Variants in SH3PXD2A observed in about 807,000 individuals in gnomAD.
SH3PXD2A encodes SH3 and PX domain-containing protein 2A.
In SH3PXD2A, 32 loss-of-function variants were observed where a neutral mutation model predicts 115.2. The ratio of observed to expected loss-of-function variants is 0.28; its 90% CI spans 0.21 to 0.37. The LOEUF is 0.37. SH3PXD2A is among the 10% of genes least tolerant of loss of function. SH3PXD2A has a pLI of 1.00. For missense variants in SH3PXD2A, 1,328 were observed against 1,498.7 expected, an observed-to-expected ratio of 0.89 and a Z score of 1.88; for synonymous variants, 610 against 629.1, an observed-to-expected ratio of 0.97 and a Z score of 0.45.
At chr10:103,803,415 A>C (rs184848135) in intron 1 of SH3PXD2A, among the ~76,000 whole-genome samples, 1 of 152,334 alleles carries the variant, frequency 6.6e-6, no homozygotes, top group Admixed American at 6.5e-5. Flanking sequence ...ATGTTACCTA[A>C]TGTTTAAGCA....
intron 4 of SH3PXD2A, among the ~76,000 whole-genome samples, chr10:103,729,902 C>G (rs1370917657): frequency 6.6e-6 from 1 of 152,228 alleles, no homozygotes; most frequent in East Asian, 1.9e-4. Context: ...TGAGCCACCA[C>G]TTAGCACTGA....
chr10:103,606,651 T>C (rs1402260417), intron 13 of SH3PXD2A, among the ~76,000 whole-genome samples: 2 of 151,992 alleles, frequency 1.3e-5, no homozygotes, highest in African/African-American at 2.4e-5. Context: ...CGCGCCGCCA[T>C]GCCTGACTGG....
chr10:103,700,252 C>T (rs2037876559), intron 5 of SH3PXD2A, among the ~76,000 whole-genome samples: 1 of 151,840 alleles, frequency 6.6e-6, no homozygotes, highest in South Asian at 2.1e-4. Flanking sequence ...AGTGACTTCA[C>T]CTCTCTGTAC....
chr10:103,605,854 C>T lies in SH3PXD2A; in HGVS notation c.1372G>A (p.Glu458Lys), dbSNP rs764452321. The T allele has an allele frequency of 6.2e-6, 10 of 1,613,062 alleles. No individual in the cohort carries two copies. Among genetic ancestry groups the T allele is most frequent in the Middle Eastern group, 1.6e-4 (1 of 6,082 alleles). ...SVEVEYYTIA[E>K]FQSCISDGIS... ...CCATCGGAAATGCACGACTGGAATT[C>T]GGCAATGGTGTAGTACTCCACCTCA... Residue 458 changes from glutamate to lysine, a missense_variant, in exon 14 of 15, where the codon GAA becomes AAA. Physicochemically the swap from Glu to Lys is moderately conservative, Grantham distance 56. Around this residue, in one of 5 missense-constraint regions of SH3PXD2A, gnomAD observed 509 missense variants for 628.3 expected, o/e 0.81. Coordinates refer to ENST00000369774, the MANE Select transcript of SH3PXD2A (RefSeq NM_001394015.1).
At chr10:103,828,879 C>T (rs118188068) in intron 1 of SH3PXD2A, among the ~76,000 whole-genome samples, 18 of 152,188 alleles carry the variant, frequency 1.2e-4, no homozygotes, top group Non-Finnish European at 2.4e-4. Context: ...TTGGTGCATT[C>T]ATTTATTTCC....
chr10:103,715,617 C>T (rs555224236), intron 5 of SH3PXD2A, among the ~76,000 whole-genome samples: 1 of 152,340 alleles, frequency 6.6e-6, no homozygotes, highest in East Asian at 1.9e-4. Flanking sequence ...GCAGTGACTC[C>T]GGGTGACTTA....
At chr10:103,667,041 C>T (rs1037914925) in intron 7 of SH3PXD2A, among the ~76,000 whole-genome samples, 1 of 152,162 alleles carries the variant, frequency 6.6e-6, no homozygotes, top group Admixed American at 6.5e-5. Flanking sequence ...ACCTGAGGCC[C>T]CTGATCTATA....
chr10:103,620,309 C>T lies in SH3PXD2A; in HGVS notation c.802+2161G>A, dbSNP rs780237736. Among the ~76,000 whole-genome samples the T allele has an allele frequency of 9.9e-5, 15 of 152,144 alleles. No homozygotes were observed. The highest frequency in any genetic ancestry group is 1.8e-4 in the Non-Finnish European group (12 of 68,012). ...CCTGCCCTGGGGAGGGCTGGCCAGGCGGTCAGCCGGGTGGGTGAGGGGGAT... is the reference window on the plus strand; with the variant it reads ...CCTGCCCTGGGGAGGGCTGGCCAGGTGGTCAGCCGGGTGGGTGAGGGGGAT... On this transcript the variant is annotated intron_variant, in intron 10 of 14. Transcript: ENST00000369774. The surrounding 1 kb of genome is among the most constrained non-coding windows in gnomAD (Gnocchi z 5.3).
At chr10:103,855,146 C>T in intron 1 of SH3PXD2A, 49 bp downstream of exon 1, 4 of 1,420,728 alleles carry the variant, frequency 2.8e-6, no homozygotes, top group Non-Finnish European at 3.8e-6. Context: ...CCGGGGCCCT[C>T]CCGGGACCTC....
At chr10:103,626,461 G>A (rs2036696461) in intron 9 of SH3PXD2A, among the ~76,000 whole-genome samples, 1 of 152,202 alleles carries the variant, frequency 6.6e-6, no homozygotes, top group Non-Finnish European at 1.5e-5. Flanking sequence ...CAAACGGACT[G>A]GGCTCAGGCA....
At chr10:103,654,335 C>T (rs1199515222) in intron 8 of SH3PXD2A, among the ~76,000 whole-genome samples, 1 of 152,150 alleles carries the variant, frequency 6.6e-6, no homozygotes, top group African/African-American at 2.4e-5. Context: ...GACAGTAAAC[C>T]CCTCTGCTGC....
At chr10:103,706,778 C>A (rs990984734) in intron 5 of SH3PXD2A, among the ~76,000 whole-genome samples, 4 of 152,156 alleles carry the variant, frequency 2.6e-5, no homozygotes, top group African/African-American at 9.7e-5. Flanking sequence ...ATAGGCAGAC[C>A]CTGCATCTCT....
chr10:103,609,233 G>A (rs1225350589), intron 13 of SH3PXD2A: 1 of 152,232 alleles, frequency 6.6e-6, no homozygotes, highest in Non-Finnish European at 1.5e-5. Flanking sequence ...TGCCCTGTGG[G>A]AGAGGAAGGA....
At chr10:103,712,588 G>A (rs1564870763) in intron 5 of SH3PXD2A, among the ~76,000 whole-genome samples, 1 of 152,236 alleles carries the variant, frequency 6.6e-6, no homozygotes, top group African/African-American at 2.4e-5. Context: ...GCCCTGGGGG[G>A]CCTGGACCAG....
At chr10:103,793,951 G>T (rs1253259857) in intron 2 of SH3PXD2A, among the ~76,000 whole-genome samples, 1 of 152,160 alleles carries the variant, frequency 6.6e-6, no homozygotes, top group African/African-American at 2.4e-5. Flanking sequence ...TTAATGAATA[G>T]AAAAATTAAC....
chr10:103,691,285 C>T (rs1019426692), intron 6 of SH3PXD2A, among the ~76,000 whole-genome samples: 2 of 152,204 alleles, frequency 1.3e-5, no homozygotes, highest in Admixed American at 6.5e-5. Flanking sequence ...GACTATTCCA[C>T]ATTAACATAC....
chr10:103,778,227 GGAGGCT>G (rs914328528), intron 2 of SH3PXD2A, among the ~76,000 whole-genome samples: 1 of 152,214 alleles, frequency 6.6e-6, no homozygotes. Flanking sequence ...CAGCTACTCG[GGAGGCT>G]GAGGCAGGAA....
rs2134185876 is a variant in SH3PXD2A, at chr10:103,735,714, C to A, written c.306+18G>T. ...AGCCCTCCCCGAGCCCCTCCCCCAG[C>A]CCCAGATACACTCTCACCCGGCAGT... On this transcript the variant is annotated intron_variant, in intron 4 of 14. Coordinates refer to ENST00000369774, the MANE Select transcript of SH3PXD2A (RefSeq NM_001394015.1). The A allele has an allele frequency of 6.3e-7, 1 of 1,582,646 alleles. No individual in the cohort carries two copies. The highest frequency in any genetic ancestry group is 1.8e-4 in the Middle Eastern group (1 of 5,530).
At chr10:103,765,357 C>G (rs921388004) in intron 3 of SH3PXD2A, among the ~76,000 whole-genome samples, 6 of 152,234 alleles carry the variant, frequency 3.9e-5, no homozygotes, top group Admixed American at 6.5e-5. Context: ...GTTCTCTGAG[C>G]TCCCTCTCCA....
Sources: gnomAD v4.1 joint callset for allele counts (sites outside exome capture counted in the v4.1 genomes callset) on GRCh38, gnomAD v4.1.1 for gene constraint, gnomAD v4.1.1 regional missense constraint, Gnocchi (gnomAD v3.1) non-coding constraint, MANE v1.5 for transcripts, NCBI Gene and HGNC (gene_info 2026-07-23, HGNC 2026-07-21) for gene names.